CTNNA3: variants seen among roughly 807,000 people sequenced by gnomAD.
The protein encoded by CTNNA3 is catenin alpha-3.
Under a neutral mutation model 95.7 loss-of-function variants are expected in CTNNA3, and 76 were observed. The observed-to-expected ratio is 0.79, with a 90% CI of 0.66 to 0.96. The LOEUF (loss-of-function observed/expected upper bound fraction) is 0.96. Among genes scored for constraint, CTNNA3 ranks in the 40% least tolerant of loss-of-function variants. The pLI is 0.00. For missense variants in CTNNA3, 1,191 were observed against 1,089.8 expected (o/e 1.09, Z -1.31); for synonymous variants, 431 against 374.4 (o/e 1.15, Z -1.74).
At chr10:66,613,196 T>C (rs1844388154) in intron 10 of CTNNA3, among the ~76,000 whole-genome samples, 1 of 152,030 alleles carries the variant, frequency 6.6e-6, no homozygotes, top group Non-Finnish European at 1.5e-5. Context: ...ATTATCTAAT[T>C]TTTTACCCCA....
At chr10:65,921,196 G>A (rs2077080935) in intron 17 of CTNNA3, among the ~76,000 whole-genome samples, 1 of 152,130 alleles carries the variant, frequency 6.6e-6, no homozygotes, top group Non-Finnish European at 1.5e-5. Flanking sequence ...CATATCAATA[G>A]CCATTTACTA....
chr10:66,178,529 C>T (rs2085865534), intron 13 of CTNNA3, among the ~76,000 whole-genome samples: 1 of 146,236 alleles, frequency 6.8e-6, no homozygotes. Context: ...AACTTGACAG[C>T]AGAAATATAT....
intron 10 of CTNNA3, among the ~76,000 whole-genome samples, chr10:66,523,890 T>C (rs1433313064): frequency 1.3e-5 from 2 of 152,176 alleles, no homozygotes; most frequent in Non-Finnish European, 2.9e-5. Flanking sequence ...CCTAGTTGAC[T>C]AAAAACAAAC....
chr10:67,506,501 A>C (rs1189590026), intron 5 of CTNNA3, among the ~76,000 whole-genome samples: 1 of 152,236 alleles, frequency 6.6e-6, no homozygotes, highest in African/African-American at 2.4e-5. Context: ...CCCTCAGGTA[A>C]TCAGCCCCTA....
chr10:66,118,436 A>G (rs1366471967), intron 13 of CTNNA3: 1 of 152,226 alleles, frequency 6.6e-6, no homozygotes, highest in African/African-American at 2.4e-5. Flanking sequence ...AAAACTAATA[A>G]TAACATATAC....
intron 13 of CTNNA3, among the ~76,000 whole-genome samples, chr10:66,271,702 C>T (rs182295289): frequency 2.8e-4 from 42 of 152,258 alleles, no homozygotes; most frequent in Non-Finnish European, 5.4e-4. Flanking sequence ...CTGAGCTGCA[C>T]TTGTGTAGAG....
intron 11 of CTNNA3, among the ~76,000 whole-genome samples, chr10:66,437,691 G>A (rs2131775265): frequency 6.6e-6 from 1 of 152,172 alleles, no homozygotes. Flanking sequence ...ACCTTCCGAA[G>A]CCTACTTCTG....
chr10:66,190,806 T>C (rs943978066), intron 13 of CTNNA3, among the ~76,000 whole-genome samples: 2 of 152,028 alleles, frequency 1.3e-5, no homozygotes, highest in Admixed American at 6.6e-5. Flanking sequence ...AGAAAAAGAA[T>C]TGAGTGAATA....
chr10:67,401,517 G>C (rs541352687), intron 5 of CTNNA3, among the ~76,000 whole-genome samples: 1 of 152,110 alleles, frequency 6.6e-6, no homozygotes, highest in Non-Finnish European at 1.5e-5. Flanking sequence ...TTCCAAACTG[G>C]AAAGGTACCT....
chr10:67,028,736 G>A (rs935666755), intron 7 of CTNNA3, among the ~76,000 whole-genome samples: 19 of 151,804 alleles, frequency 1.3e-4, no homozygotes, highest in Non-Finnish European at 1.3e-4. Context: ...AACGATTAAG[G>A]TCTTCTAGGA....
intron 5 of CTNNA3, among the ~76,000 whole-genome samples, chr10:67,418,263 T>A (rs1845614321): frequency 6.6e-6 from 1 of 152,172 alleles, no homozygotes; most frequent in African/African-American, 2.4e-5. Context: ...TTCATTCAAA[T>A]GTAAATTAGT....
chr10:66,799,452 G>C (rs1014148467), intron 7 of CTNNA3, among the ~76,000 whole-genome samples: 2 of 151,466 alleles, frequency 1.3e-5, no homozygotes, highest in South Asian at 2.1e-4. Flanking sequence ...CTGAAAAATA[G>C]AATATCTGAA....
At chr10:66,484,987 A>G (rs921363478) in intron 11 of CTNNA3, among the ~76,000 whole-genome samples, 1 of 152,248 alleles carries the variant, frequency 6.6e-6, no homozygotes, top group Non-Finnish European at 1.5e-5. Context: ...AACAAAAACT[A>G]TATGGTTATA....
intron 9 of CTNNA3, among the ~76,000 whole-genome samples, chr10:66,749,602 C>A (rs993601165): frequency 3.9e-5 from 6 of 152,042 alleles, no homozygotes; most frequent in Non-Finnish European, 7.4e-5. Context: ...TTTATTTATT[C>A]ATTCACCTAC....
intron 5 of CTNNA3, among the ~76,000 whole-genome samples, chr10:67,369,407 G>C (rs932044800): frequency 1.3e-5 from 2 of 152,204 alleles, no homozygotes; most frequent in African/African-American, 4.8e-5. Context: ...TCAAAGATTT[G>C]CTTGTAGAAA....
At chr10:67,175,250 A>G (rs1472092144) in intron 7 of CTNNA3, among the ~76,000 whole-genome samples, 1 of 152,090 alleles carries the variant, frequency 6.6e-6, no homozygotes, top group African/African-American at 2.4e-5. Context: ...GCCATTGCAT[A>G]TTGTTCCTCC....
intron 13 of CTNNA3, among the ~76,000 whole-genome samples, chr10:66,245,743 G>A (rs1158182893): frequency 2.0e-5 from 3 of 152,116 alleles, no homozygotes; most frequent in Non-Finnish European, 4.4e-5. Context: ...CTCTACAGCT[G>A]ATAGTCCTGA....
At chr10:66,010,617 C>T (rs2133390370) in intron 15 of CTNNA3, among the ~76,000 whole-genome samples, 1 of 152,256 alleles carries the variant, frequency 6.6e-6, no homozygotes, top group South Asian at 2.1e-4. Flanking sequence ...GTTTGGGCAT[C>T]TTTTATAGCA....
intron 7 of CTNNA3, among the ~76,000 whole-genome samples, chr10:67,033,555 TA>T (rs1333518828): frequency 6.6e-6 from 1 of 152,238 alleles, no homozygotes; most frequent in African/African-American, 2.4e-5. Context: ...CTACTACTTA[TA>T]ACACACATAG....
Sources: allele counts gnomAD v4.1 joint callset (sites outside exome capture counted in the v4.1 genomes callset), GRCh38; gene constraint gnomAD v4.1.1; transcripts MANE v1.5; gene names NCBI Gene and HGNC (gene_info 2026-07-23, HGNC 2026-07-21).